Variants in IFI27L1 observed in about 807,000 individuals in gnomAD.
IFI27L1 encodes the protein interferon alpha inducible protein 27 like 1, also known as interferon alpha-inducible protein 27-like protein 1.
IFI27L1 carries 3 observed loss-of-function variants against 9.2 expected under a neutral mutation model. The ratio of observed to expected loss-of-function variants is 0.32; its 90% CI spans 0.15 to 0.84. The LOEUF (loss-of-function observed/expected upper bound fraction) is 0.84. Ranked by LOEUF, IFI27L1 falls within the 40% of genes least tolerant of loss-of-function variation. IFI27L1 has a pLI of 0.56. For synonymous variants in IFI27L1, 53 were observed against 50.0 expected (o/e 1.06, Z -0.26); for missense variants, 133 against 134.2 (o/e 0.99, Z 0.05).
chr14:94,083,869 C>T (rs913771554), intron 1 of IFI27L1, among the ~76,000 whole-genome samples: 6 of 151,992 alleles, frequency 3.9e-5, no homozygotes, highest in African/African-American at 1.2e-4. Context: ...GAGGGAGGAT[C>T]GCTTGGGCTC....
Position 94,095,654 on chromosome 14 carries a change from G to C in IFI27L1, c.-51-1233G>C, listed in dbSNP as rs2139270773. On this transcript the variant is annotated intron_variant, in intron 1 of 4. Coordinates refer to ENST00000555523, the MANE Select transcript of IFI27L1 (RefSeq NM_206949.3). ...ATGGCAAGAGAGGGAGCAGGAGTGA[G>C]AGGAGGAGGTACCAGCCTCCTTTAA... Among the ~76,000 whole-genome samples the C allele has an allele frequency of 2.0e-5, 3 of 152,230 alleles. No homozygotes were observed. In the South Asian group the frequency reaches 6.2e-4, roughly 32 times the overall value.
intron 3 of IFI27L1, chr14:94,101,474 T>G: frequency 2.8e-6 from 1 of 356,630 alleles, no homozygotes; most frequent in Non-Finnish European, 5.1e-6. Context: ...ACCTTTTGCA[T>G]GGAGAGATCA....
Position 94,091,979 on chromosome 14 carries a change from A to G in IFI27L1, c.-51-4908A>G, listed in dbSNP as rs144693083. On this transcript the variant is annotated intron_variant, in intron 1 of 4. Coordinates refer to ENST00000555523, the MANE Select transcript of IFI27L1 (RefSeq NM_206949.3). ...TCTCTACTAAAAATACAAAAAAATT[A>G]GCCACGCATGGTGGCGGGTGCCTGT... Among the ~76,000 whole-genome samples the G allele has an allele frequency of 1.7e-3, 252 of 151,996 alleles. 4 individuals carry two copies. The East Asian group carries it at 0.018, about 11-fold the overall frequency.
rs1208819297 is a variant in IFI27L1 at position 94,101,941 on chromosome 14, T to C, written c.189T>C (p.Ala63=). 1 of 1,614,220 alleles carries C rather than the reference T, an allele frequency of 6.2e-7. No homozygotes were observed. Among genetic ancestry groups the C allele is most frequent in the South Asian group, 1.1e-5 (1 of 91,086 alleles). The change falls in exon 4 of 5, where the codon GCT becomes GCC. Residue 63 remains alanine, a synonymous_variant. Transcript: ENST00000555523. ...CCATTGCCAACGGGGGCGGAGTTGC[T>C]GCTGGCAGTCTGGTGGCTATTCTGC... is the stretch of plus-strand genomic sequence containing the variant. The part of the protein sequence containing the change: ...TAAIANGGGV[A]AGSLVAILQS...
At chr14:94,088,899 C>T (rs1319331335) in intron 1 of IFI27L1, 4 of 152,206 alleles carry the variant, frequency 2.6e-5, no homozygotes, top group African/African-American at 9.7e-5. Context: ...ACTAATCGTG[C>T]AAAAGTATTA....
At chr14:94,086,034 T>C (rs181948185) in intron 1 of IFI27L1, among the ~76,000 whole-genome samples, 112 of 152,330 alleles carry the variant, frequency 7.4e-4, no homozygotes, top group African/African-American at 2.5e-3. Flanking sequence ...ATAGTTGAAT[T>C]GTAATCCCCA....
In IFI27L1 at chr14:94,097,217, G is replaced by A. The variant is rs117680105; in HGVS notation, c.28+252G>A. ...ACAAAGGTTTTTAAAAGCAAAACAA[G>A]GAAAGTTACTAAGTGGTTTTGAAAC... On this transcript the variant is annotated intron_variant, in intron 2 of 4. Coordinates refer to ENST00000555523, the MANE Select transcript of IFI27L1 (RefSeq NM_206949.3). Among the ~76,000 whole-genome samples, 116 of 152,350 alleles carry A rather than the reference G, an allele frequency of 7.6e-4. 1 individual carries two copies. The East Asian group carries it at 0.019, about 25-fold the overall frequency.
chr14:94,093,638 A>G (rs8021015), intron 1 of IFI27L1, among the ~76,000 whole-genome samples: 32,458 of 152,122 alleles, frequency 0.21, 3,928 homozygotes, highest in East Asian at 0.43. Flanking sequence ...TAACAGCATG[A>G]TCTCTGACCA....
intron 2 of IFI27L1, chr14:94,100,158 C>A: frequency 2.6e-6 from 1 of 390,020 alleles, no homozygotes; most frequent in Non-Finnish European, 3.5e-6. Flanking sequence ...GGATTGATAT[C>A]ATCAAGACAG....
intron 1 of IFI27L1, 50 bp downstream of exon 1, chr14:94,081,499 C>A: frequency 6.6e-6 from 1 of 152,610 alleles, no homozygotes; most frequent in South Asian, 2.0e-4. Flanking sequence ...AAAGGGGTCT[C>A]GATCCAGACC....
At chr14:94,086,807 T>G (rs2144308) in intron 1 of IFI27L1, among the ~76,000 whole-genome samples, 1 of 152,226 alleles carries the variant, frequency 6.6e-6, no homozygotes, top group African/African-American at 2.4e-5. Context: ...GAACTCAGGC[T>G]TCTTTTGCTT....
At chr14:94,097,029 A>T (rs1409541129) in intron 2 of IFI27L1, 64 bp downstream of exon 2, 3 of 1,330,038 alleles carry the variant, frequency 2.3e-6, no homozygotes, top group African/African-American at 2.9e-5. Flanking sequence ...TTTGTGTCCC[A>T]CTCTTCTGAC....
chr14:94,085,993 T>A (rs1886266218), intron 1 of IFI27L1, among the ~76,000 whole-genome samples: 1 of 152,150 alleles, frequency 6.6e-6, no homozygotes, highest in South Asian at 2.1e-4. Context: ...ATGGGTGATA[T>A]AGTTTGGATA....
chr14:94,100,937 C>G, intron 3 of IFI27L1, 166 bp downstream of exon 3: 1 of 765,174 alleles, frequency 1.3e-6, no homozygotes, highest in Non-Finnish European at 2.2e-6. Flanking sequence ...GGAAGCAAAG[C>G]AAAGCCATTA....
intron 1 of IFI27L1, among the ~76,000 whole-genome samples, chr14:94,081,797 G>A (rs1331064816): frequency 6.6e-6 from 1 of 152,178 alleles, no homozygotes; most frequent in Non-Finnish European, 1.5e-5. Context: ...AATGTTGTGT[G>A]TGTTCAGACT....
At chr14:94,091,478 C>A (rs1360832050) in intron 1 of IFI27L1, among the ~76,000 whole-genome samples, 2 of 152,188 alleles carry the variant, frequency 1.3e-5, no homozygotes, top group Non-Finnish European at 2.9e-5. Context: ...TTTAACCATG[C>A]TTCCTATATG....
chr14:94,097,799 G>A (rs1409529676), intron 2 of IFI27L1: 2 of 656,992 alleles, frequency 3.0e-6, no homozygotes, highest in African/African-American at 3.6e-5. Flanking sequence ...CAGAGGCTGG[G>A]CAGCTGTTGG....
chr14:94,100,947 A>C, intron 3 of IFI27L1, 176 bp downstream of exon 3: 1 of 717,158 alleles, frequency 1.4e-6, no homozygotes, highest in South Asian at 1.6e-5. Flanking sequence ...CAAAGCCATT[A>C]AAGGCACAGG....
At chr14:94,088,421 T>C (rs1195449870) in intron 1 of IFI27L1, 1 of 692,806 alleles carries the variant, frequency 1.4e-6, no homozygotes, top group Non-Finnish European at 2.6e-6. Context: ...GGCCCACTTT[T>C]AGGGTGGAGC....
Sources: allele counts gnomAD v4.1 joint callset (sites outside exome capture counted in the v4.1 genomes callset), GRCh38; gene constraint gnomAD v4.1.1; transcripts MANE v1.5; gene names NCBI Gene and HGNC (gene_info 2026-07-23, HGNC 2026-07-21).